LDLRAD3: variants seen among roughly 807,000 people sequenced by gnomAD.
LDLRAD3 encodes the protein low-density lipoprotein receptor class A domain-containing protein 3.
LDLRAD3 carries 20 observed loss-of-function variants against 29.4 expected under a neutral mutation model. The ratio of observed to expected loss-of-function variants is 0.68; its 90% confidence interval spans 0.48 to 0.99. LDLRAD3 has a LOEUF of 0.99. Among genes scored for constraint, LDLRAD3 ranks in the 50% least tolerant of loss-of-function variants. LDLRAD3 has a pLI of 0.00. For synonymous variants in LDLRAD3, 157 were observed against 192.7 expected (o/e 0.81, Z 1.53); for missense variants, 420 against 454.3 (o/e 0.92, Z 0.69).
chr11:35,955,239 T>C (rs1851187072), intron 1 of LDLRAD3, among the ~76,000 whole-genome samples: 1 of 152,096 alleles, frequency 6.6e-6, no homozygotes, highest in South Asian at 2.1e-4. Flanking sequence ...AATGAGACTC[T>C]CTCTCAAAAC....
chr11:35,972,179 C>T (rs1224718912), intron 1 of LDLRAD3, among the ~76,000 whole-genome samples: 2 of 151,846 alleles, frequency 1.3e-5, no homozygotes, highest in African/African-American at 4.8e-5. Context: ...TCTGTGAAAC[C>T]CCAGAGTTTC....
chr11:35,959,050 C>A (rs139743780), intron 1 of LDLRAD3, among the ~76,000 whole-genome samples: 3 of 152,160 alleles, frequency 2.0e-5, no homozygotes, highest in Admixed American at 6.5e-5. Flanking sequence ...AAGATGGTGT[C>A]GGTACCATAG....
intron 4 of LDLRAD3, among the ~76,000 whole-genome samples, chr11:36,176,607 A>G (rs770952645): frequency 6.6e-6 from 1 of 152,068 alleles, no homozygotes; most frequent in Non-Finnish European, 1.5e-5. Flanking sequence ...TTCTTGGCTG[A>G]TAATTGTTTT....
At chr11:35,965,841 A>G (rs1851334028) in intron 1 of LDLRAD3, among the ~76,000 whole-genome samples, 1 of 152,054 alleles carries the variant, frequency 6.6e-6, no homozygotes, top group Non-Finnish European at 1.5e-5. Context: ...ATCCAACAGT[A>G]AAAAAAGCCA....
At chr11:36,045,224 A>G (rs1453194895) in intron 2 of LDLRAD3, among the ~76,000 whole-genome samples, 2 of 152,234 alleles carry the variant, frequency 1.3e-5, no homozygotes, top group Non-Finnish European at 2.9e-5. Context: ...GTCAGGCTAC[A>G]CTTAACATGC....
At position 36,109,034 on chromosome 11, in the gene LDLRAD3, G is replaced by A. The variant is rs542587069; in HGVS notation, c.454+10573G>A. Among the ~76,000 whole-genome samples, 6 of 151,458 alleles carry A rather than the reference G, an allele frequency of 4.0e-5. 2 individuals carry two copies. Among genetic ancestry groups the A allele is most frequent in the African/African-American group, 1.2e-4 (5 of 40,822 alleles). On this transcript the variant is annotated intron_variant, in intron 4 of 5. Transcript: ENST00000315571. ...CAGGAGGATGGTGGAGGATGGTGGAGGATGAGGAACAGGATCAGATATCAA... is the reference window on the plus strand; with the variant it reads ...CAGGAGGATGGTGGAGGATGGTGGAAGATGAGGAACAGGATCAGATATCAA...
chr11:35,992,049 C>T (rs1851698299), intron 1 of LDLRAD3, among the ~76,000 whole-genome samples: 1 of 152,090 alleles, frequency 6.6e-6, no homozygotes, highest in Admixed American at 6.6e-5. Flanking sequence ...ACTGAATTCT[C>T]CTGAGAGTTC....
rs1855545166 is a variant in LDLRAD3, at chr11:36,229,367, T to C, written c.1008T>C (p.Ser336=). The C allele has an allele frequency of 6.2e-7, 1 of 1,613,380 alleles. No individual in the cohort carries two copies. The highest frequency in any genetic ancestry group is 1.1e-5 in the South Asian group (1 of 91,046). The change falls in exon 6 of 6, where the codon TCT becomes TCC. Residue 336 remains serine, a synonymous_variant. Transcript: ENST00000315571. ...AGGGCACTGCTGAGCCCAGGGACTC[T>C]GAGCCCAGCCAGGGCACTGAAGAAG... ...PQEGTAEPRD[S]EPSQGTEEV is the part of the protein sequence containing the mutation.
chr11:35,957,795 CAAAAA>C (rs1177748172), intron 1 of LDLRAD3, among the ~76,000 whole-genome samples: 1 of 79,260 alleles, frequency 1.3e-5, no homozygotes, highest in African/African-American at 4.4e-5. Flanking sequence ...GACCTTATCT[CAAAAA>C]AAAAAAAAAA....
At chr11:36,036,760 C>A (rs986090062) in intron 2 of LDLRAD3, among the ~76,000 whole-genome samples, 1 of 152,184 alleles carries the variant, frequency 6.6e-6, no homozygotes, top group Non-Finnish European at 1.5e-5. Flanking sequence ...AACGTGCTTT[C>A]CCATCCCCTT....
At chr11:36,210,970 A>G (rs1243581688) in intron 4 of LDLRAD3, among the ~76,000 whole-genome samples, 1 of 152,212 alleles carries the variant, frequency 6.6e-6, no homozygotes, top group East Asian at 1.9e-4. Context: ...TAGTTACCTC[A>G]TGCTGATTGC....
chr11:36,009,391 T>C (rs2133185969), intron 1 of LDLRAD3, among the ~76,000 whole-genome samples: 1 of 152,358 alleles, frequency 6.6e-6, no homozygotes, highest in East Asian at 1.9e-4. Context: ...GATCTGGTTG[T>C]CTATCCTGGT....
intron 4 of LDLRAD3, among the ~76,000 whole-genome samples, chr11:36,124,589 T>C (rs1265330192): frequency 1.3e-5 from 2 of 152,104 alleles, no homozygotes; most frequent in Non-Finnish European, 2.9e-5. Context: ...ATCTGAACCC[T>C]TTACCACAGA....
At chr11:36,030,850 A>G (rs769348311) in intron 1 of LDLRAD3, among the ~76,000 whole-genome samples, 9 of 152,226 alleles carry the variant, frequency 5.9e-5, no homozygotes, top group Non-Finnish European at 1.2e-4. Context: ...GGAGAGAGCC[A>G]GGAGGACTCC....
At chr11:36,065,866 A>G (rs1421698566) in intron 2 of LDLRAD3, among the ~76,000 whole-genome samples, 2 of 152,180 alleles carry the variant, frequency 1.3e-5, no homozygotes, top group African/African-American at 2.4e-5. Context: ...GAGGGCCAAG[A>G]AAACCTTTCA....
intron 2 of LDLRAD3, among the ~76,000 whole-genome samples, chr11:36,058,732 C>T (rs903218962): frequency 6.6e-6 from 1 of 152,214 alleles, no homozygotes; most frequent in Non-Finnish European, 1.5e-5. Flanking sequence ...CCCTCATAGT[C>T]ATTTGGCAAT....
intron 4 of LDLRAD3, among the ~76,000 whole-genome samples, chr11:36,136,261 CT>C (rs1455299234): frequency 6.6e-6 from 1 of 152,164 alleles, no homozygotes; most frequent in Admixed American, 6.5e-5. Context: ...TATACACTGT[CT>C]TAGGTAGACT....
At chr11:36,168,501 T>C (rs12278587) in intron 4 of LDLRAD3, among the ~76,000 whole-genome samples, 42 of 125,290 alleles carry the variant, frequency 3.4e-4, no homozygotes, top group African/African-American at 8.8e-4. Flanking sequence ...CTTTCTTCTT[T>C]TTTTTTTTTT....
At chr11:36,169,879 A>G (rs1168892155) in intron 4 of LDLRAD3, among the ~76,000 whole-genome samples, 1 of 151,992 alleles carries the variant, frequency 6.6e-6, no homozygotes, top group African/African-American at 2.4e-5. Flanking sequence ...AAGTTTTTTA[A>G]TTCAATAGGT....
Sources: allele counts gnomAD v4.1 joint callset (sites outside exome capture counted in the v4.1 genomes callset), GRCh38; gene constraint gnomAD v4.1.1; transcripts MANE v1.5; gene names NCBI Gene and HGNC (gene_info 2026-07-23, HGNC 2026-07-21).